The following TC2N variants were observed in gnomAD, a reference collection of about 807,000 sequenced individuals.
The protein encoded by TC2N is tandem C2 domains nuclear protein.
TC2N carries 51 observed loss-of-function variants against 61.9 expected under a neutral mutation model. The observed-to-expected ratio is 0.82, with a 90% CI of 0.66 to 1.04. TC2N has a LOEUF of 1.04. Among genes scored for constraint, TC2N ranks in the 50% least tolerant of loss-of-function variants. TC2N has a pLI of 0.00. For missense variants in TC2N, 556 were observed against 566.7 expected (o/e 0.98, Z 0.19); for synonymous variants, 204 against 192.6 (o/e 1.06, Z -0.49).
At chr14:91,818,109 G>A (rs896978694) in intron 1 of TC2N, among the ~76,000 whole-genome samples, 2 of 152,068 alleles carry the variant, frequency 1.3e-5, no homozygotes, top group Non-Finnish European at 2.9e-5. Context: ...CCCAAGCAAA[G>A]CCGAGAAGAT....
At chr14:91,857,247 T>C (rs1435357673) in intron 1 of TC2N, among the ~76,000 whole-genome samples, 2 of 152,230 alleles carry the variant, frequency 1.3e-5, no homozygotes, top group Non-Finnish European at 2.9e-5. Flanking sequence ...GGTACACCCA[T>C]AGTGTATTTC....
intron 1 of TC2N, among the ~76,000 whole-genome samples, chr14:91,861,930 A>G (rs7161331): frequency 3.5e-5 from 4 of 115,458 alleles, no homozygotes; most frequent in South Asian, 2.8e-4. Context: ...ATATATATGT[A>G]TATATATGTT....
intron 1 of TC2N, among the ~76,000 whole-genome samples, chr14:91,861,721 G>A (rs145895775): frequency 1.6e-4 from 24 of 152,156 alleles, no homozygotes; most frequent in African/African-American, 5.1e-4. Flanking sequence ...TCAGGAGTTC[G>A]AGACCAGACT....
In TC2N at chr14:91,799,017, T is replaced by C. The variant is rs1000387993; in HGVS notation, c.609A>G (p.Lys203=). The change falls in exon 6 of 12, where the codon AAA becomes AAG. Residue 203 remains lysine, a synonymous_variant. Coordinates refer to ENST00000435962, the MANE Select transcript of TC2N (RefSeq NM_001128596.3). The part of the protein sequence containing the change: ...SSVPSSSSSR[K]NSQGSNRSLD... Reference sequence around the variant, plus strand: ...GGCTTCTGTTACTCCCCTGAGAATTTTTCCTTGAAGAAGAACTACTGGGTA... The same window carrying C: ...GGCTTCTGTTACTCCCCTGAGAATTCTTCCTTGAAGAAGAACTACTGGGTA... The C allele has an allele frequency of 2.5e-6, 4 of 1,600,106 alleles. No homozygotes were observed. Among genetic ancestry groups the C allele is most frequent in the African/African-American group, 1.4e-5 (1 of 73,886 alleles).
rs1566785998 is a variant in TC2N, at chr14:91,836,572, G to GGGCAA, written c.-56-22748_-56-22747insTTGCC. The GGGCAA allele has an allele frequency of 5.3e-5, 8 of 152,052 alleles. No individual in the cohort carries two copies. In the South Asian group the frequency reaches 1.6e-3, roughly 31 times the overall value. The allele number at this position is 152,052 out of a possible 1,614,324, so 9.4% of individuals were successfully genotyped here. A position where few individuals can be genotyped will look rare whatever the true frequency, so the allele number is the denominator to read the frequency against. ...CCCGCCCCTCGGGACGGGCGCTAAG[G>GGGCAA]GGCGAGGCGAGGCAAGGCGGGGAGG... is the stretch of plus-strand genomic sequence containing the variant. On this transcript the variant is annotated intron_variant, in intron 1 of 11. Coordinates refer to ENST00000435962, the MANE Select transcript of TC2N (RefSeq NM_001128596.3).
At chr14:91,835,071 C>T (rs1045718253) in intron 1 of TC2N, among the ~76,000 whole-genome samples, 7 of 152,154 alleles carry the variant, frequency 4.6e-5, no homozygotes, top group African/African-American at 1.7e-4. Flanking sequence ...ATTAATCTCT[C>T]AATATTAGTT....
intron 4 of TC2N, among the ~76,000 whole-genome samples, chr14:91,800,729 G>T (rs1168601420): frequency 6.6e-6 from 1 of 151,920 alleles, no homozygotes; most frequent in Non-Finnish European, 1.5e-5. Context: ...TAATAAGCAT[G>T]TATTACTTTT....
chr14:91,795,162 A>ATTCTCACACAT (rs1566763734), intron 8 of TC2N, among the ~76,000 whole-genome samples: 7 of 152,170 alleles, frequency 4.6e-5, no homozygotes, highest in African/African-American at 1.7e-4. Flanking sequence ...ACAGATAAGG[A>ATTCTCACACAT]GTTGATTCTC....
chr14:91,790,106 G>A (rs776125594), intron 9 of TC2N, among the ~76,000 whole-genome samples: 6 of 152,124 alleles, frequency 3.9e-5, no homozygotes, highest in South Asian at 2.1e-4. Flanking sequence ...AGAACAACAC[G>A]GTGATAATTA....
chr14:91,813,317 C>G (rs1220942746), intron 2 of TC2N, among the ~76,000 whole-genome samples: 1 of 151,652 alleles, frequency 6.6e-6, no homozygotes, highest in African/African-American at 2.4e-5. Context: ...TTATTTAAAT[C>G]AAAACATTGG....
intron 1 of TC2N, among the ~76,000 whole-genome samples, chr14:91,833,684 T>C (rs1336926180): frequency 6.6e-6 from 1 of 152,204 alleles, no homozygotes; most frequent in African/African-American, 2.4e-5. Flanking sequence ...TTGCATTTTC[T>C]AGAATTTTAT....
chr14:91,852,021 A>C (rs1171475923), intron 1 of TC2N, among the ~76,000 whole-genome samples: 1 of 152,226 alleles, frequency 6.6e-6, no homozygotes, highest in East Asian at 1.9e-4. Flanking sequence ...TTGCTCATTC[A>C]ATGCTTCAAT....
chr14:91,845,232 AAAATAAAT>A (rs3030732), intron 1 of TC2N, among the ~76,000 whole-genome samples: 47,345 of 146,964 alleles, frequency 0.32, 7,943 homozygotes, highest in Non-Finnish European at 0.36. Context: ...ACTCCATCTC[AAAATAAAT>A]AAATAAATAA....
intron 1 of TC2N, among the ~76,000 whole-genome samples, chr14:91,843,838 T>C (rs1888210224): frequency 6.6e-6 from 1 of 152,200 alleles, no homozygotes; most frequent in Non-Finnish European, 1.5e-5. Flanking sequence ...AGTCTCTCTA[T>C]GAATTAGAAG....
intron 1 of TC2N, among the ~76,000 whole-genome samples, chr14:91,816,711 T>C (rs763594201): frequency 6.1e-4 from 92 of 151,944 alleles, no homozygotes; most frequent in Non-Finnish European, 1.5e-4. Flanking sequence ...GTATGAGAAA[T>C]GGATTCAAAC....
chr14:91,846,025 A>G (rs10151688), intron 1 of TC2N, among the ~76,000 whole-genome samples: 74,516 of 151,656 alleles, frequency 0.49, 18,818 homozygotes, highest in Admixed American at 0.56. Context: ...TCAGATGTTT[A>G]CCCTGGTCCA....
chr14:91,862,310 A>G (rs1888606883), intron 1 of TC2N, among the ~76,000 whole-genome samples: 1 of 149,774 alleles, frequency 6.7e-6, no homozygotes, highest in African/African-American at 2.5e-5. Flanking sequence ...ACTGCACTCC[A>G]GCCTGGGTGA....
rs1566773341 is a variant in TC2N, at chr14:91,811,425, T to C, written c.301+887A>G. 2.6e-5 allele frequency among the ~76,000 whole-genome samples: 4 copies of C among 152,022 alleles called. 1 individual carries two copies. The highest frequency in any genetic ancestry group is 1.3e-4 in the Admixed American group (2 of 15,250). On this transcript the variant is annotated intron_variant, in intron 3 of 11. Coordinates refer to ENST00000435962, the MANE Select transcript of TC2N (RefSeq NM_001128596.3). ...TAAAATTTTGAGGGTAAAAAAGCTA[T>C]TGTGACTTACAGTGTTTCAATGGAC...
At chr14:91,813,672 T>C in intron 2 of TC2N, 31 bp downstream of exon 2, 2 of 1,476,092 alleles carry the variant, frequency 1.4e-6, no homozygotes, top group South Asian at 1.1e-5. Flanking sequence ...AGATGCTACA[T>C]AAATGTTACT....
Sources: allele counts gnomAD v4.1 joint callset (sites outside exome capture counted in the v4.1 genomes callset), GRCh38; gene constraint gnomAD v4.1.1; transcripts MANE v1.5; gene names NCBI Gene and HGNC (gene_info 2026-07-23, HGNC 2026-07-21).